CNTN6: variants seen among roughly 807,000 people sequenced by gnomAD.
CNTN6 encodes the protein contactin-6.
A neutral mutation model predicts 122.8 loss-of-function variants in CNTN6; 137 were observed. The observed-to-expected ratio is 1.12, with a 90% confidence interval of 0.97 to 1.29. The LOEUF (loss-of-function observed/expected upper bound fraction) is 1.29. Ranked by LOEUF, CNTN6 falls within the 50% of genes most tolerant of loss-of-function variation. The probability of loss-of-function intolerance (pLI) is 0.00; values close to 1 mark genes in which losing one functional copy is unlikely to be tolerated. For missense variants in CNTN6, 1,634 were observed against 1,223.4 expected, an observed-to-expected ratio of 1.34 and a Z score of -5.01; for synonymous variants, 570 against 426.0, an observed-to-expected ratio of 1.34 and a Z score of -4.16.
intron 12 of CNTN6, among the ~76,000 whole-genome samples, chr3:1,353,864 A>T (rs1706088002): frequency 6.6e-6 from 1 of 151,586 alleles, no homozygotes; most frequent in African/African-American, 2.4e-5. Context: ...TTAAAACGTG[A>T]AATAGAAGGG....
chr3:1,344,233 G>A, intron 11 of CNTN6, among the ~76,000 whole-genome samples: 1 of 152,092 alleles, frequency 6.6e-6, no homozygotes, highest in East Asian at 1.9e-4. Flanking sequence ...AGGTCCACCT[G>A]CAGGGCAGCA....
intron 2 of CNTN6, among the ~76,000 whole-genome samples, chr3:1,188,027 C>T (rs914076605): frequency 6.6e-6 from 1 of 152,216 alleles, no homozygotes; most frequent in Non-Finnish European, 1.5e-5. Flanking sequence ...CCTGCCAAAT[C>T]TTACTCTTTT....
chr3:1,144,133 G>A (rs577637605), intron 1 of CNTN6, among the ~76,000 whole-genome samples: 31 of 152,262 alleles, frequency 2.0e-4, no homozygotes, highest in East Asian at 3.9e-4. Context: ...CGAGTATTAC[G>A]AGTAAGTGTT....
chr3:1,309,406 C>A (rs905230300), intron 7 of CNTN6, among the ~76,000 whole-genome samples: 16 of 152,156 alleles, frequency 1.1e-4, no homozygotes, highest in African/African-American at 3.6e-4. Context: ...CACTGTATTG[C>A]GTTTGCTCCT....
chr3:1,387,928 C>CTGAT (rs938328102), intron 20 of CNTN6, among the ~76,000 whole-genome samples: 11 of 152,086 alleles, frequency 7.2e-5, no homozygotes, highest in Admixed American at 4.6e-4. Context: ...CGGAATCTCG[C>CTGAT]TGATTGCTAG....
At chr3:1,131,587 C>T (rs2092337687) in intron 1 of CNTN6, among the ~76,000 whole-genome samples, 1 of 152,094 alleles carries the variant, frequency 6.6e-6, no homozygotes, top group African/African-American at 2.4e-5. Context: ...TGAATGGAGA[C>T]TAACTTCTCT....
intron 20 of CNTN6, among the ~76,000 whole-genome samples, chr3:1,387,956 A>C (rs1317506908): frequency 2.0e-5 from 3 of 152,092 alleles, no homozygotes; most frequent in Non-Finnish European, 4.4e-5. Context: ...GTCTGAGATC[A>C]AACTGCAAGG....
intron 7 of CNTN6, 152 bp downstream of exon 7, chr3:1,298,143 A>G: frequency 1.7e-6 from 1 of 599,294 alleles, no homozygotes; most frequent in Admixed American, 3.0e-5. Context: ...GAATTTAAAC[A>G]AACATGTCTA....
rs529713357 is a variant in CNTN6 at position 1,124,055 on chromosome 3, T to A, written c.-82-23872T>A. ...ACAAATCCCGATTGGCCATAATGTA[T>A]AATTCTTTTAATATTCTGTTGGACT... On this transcript the variant is annotated intron_variant, in intron 1 of 22. Coordinates refer to ENST00000446702, the MANE Select transcript of CNTN6 (RefSeq NM_001289080.2). Among the ~76,000 whole-genome samples the A allele has an allele frequency of 2.0e-5, 3 of 152,050 alleles. No individual in the cohort carries two copies. In the East Asian group the frequency reaches 5.8e-4, roughly 29 times the overall value.
intron 1 of CNTN6, among the ~76,000 whole-genome samples, chr3:1,129,842 C>T (rs1025921223): frequency 1.3e-5 from 2 of 149,750 alleles, no homozygotes; most frequent in Non-Finnish European, 3.0e-5. Context: ...TCAAGTCATG[C>T]TTTTGAAAAC....
chr3:1,187,451 T>C (rs1045179071), intron 2 of CNTN6, among the ~76,000 whole-genome samples: 1 of 152,208 alleles, frequency 6.6e-6, no homozygotes, highest in African/African-American at 2.4e-5. Context: ...TACACAGTTA[T>C]AGGCCCATGG....
intron 21 of CNTN6, among the ~76,000 whole-genome samples, 184 bp downstream of exon 21, chr3:1,401,729 G>A (rs570689349): frequency 2.6e-5 from 4 of 152,020 alleles, no homozygotes; most frequent in African/African-American, 4.8e-5. Flanking sequence ...CCAAGGTCCA[G>A]TAATGTATTA....
At chr3:1,122,588 A>C (rs1466252841) in intron 1 of CNTN6, among the ~76,000 whole-genome samples, 2 of 151,734 alleles carry the variant, frequency 1.3e-5, no homozygotes, top group Non-Finnish European at 1.5e-5. Context: ...CCAATTAGTA[A>C]ATTTCTCCCC....
At chr3:1,211,028 C>T (rs1276660635) in intron 2 of CNTN6, among the ~76,000 whole-genome samples, 1 of 152,196 alleles carries the variant, frequency 6.6e-6, no homozygotes, top group Non-Finnish European at 1.5e-5. Context: ...TCCCTTTCAT[C>T]AGCTGCCTAA....
intron 12 of CNTN6, among the ~76,000 whole-genome samples, chr3:1,369,846 C>CT (rs570471554): frequency 6.2e-4 from 88 of 141,044 alleles, no homozygotes; most frequent in Non-Finnish European, 7.2e-4. Flanking sequence ...CCCTGGATAT[C>CT]TTTTTTTTTT....
intron 2 of CNTN6, among the ~76,000 whole-genome samples, chr3:1,187,957 C>T (rs1233746551): frequency 6.6e-6 from 1 of 152,140 alleles, no homozygotes; most frequent in African/African-American, 2.4e-5. Flanking sequence ...ACCTCGAAAG[C>T]CCCACACTGC....
intron 4 of CNTN6, among the ~76,000 whole-genome samples, chr3:1,240,869 CAGT>C (rs1575374841): frequency 6.6e-6 from 1 of 151,982 alleles, no homozygotes; most frequent in East Asian, 1.9e-4. Flanking sequence ...AAAAGAGAGT[CAGT>C]GAAGGGAGAT....
At chr3:1,143,784 A>G (rs1214923845) in intron 1 of CNTN6, among the ~76,000 whole-genome samples, 2 of 152,226 alleles carry the variant, frequency 1.3e-5, no homozygotes, top group Non-Finnish European at 2.9e-5. Context: ...TCATTATAGT[A>G]TGCTGATAAG....
intron 11 of CNTN6, among the ~76,000 whole-genome samples, chr3:1,334,711 A>G (rs1043348375): frequency 7.2e-5 from 11 of 152,144 alleles, no homozygotes; most frequent in African/African-American, 2.7e-4. Flanking sequence ...TGTAAGCTCC[A>G]TGAAGGCACC....
Sources: gnomAD v4.1 joint callset for allele counts (sites outside exome capture counted in the v4.1 genomes callset) on GRCh38, gnomAD v4.1.1 for gene constraint, MANE v1.5 for transcripts, NCBI Gene and HGNC (gene_info 2026-07-23, HGNC 2026-07-21) for gene names.